The following GOLGB1 variants were observed in gnomAD, a reference collection of about 807,000 sequenced individuals.
GOLGB1 encodes the protein golgin subfamily B member 1.
A neutral mutation model predicts 336.9 loss-of-function variants in GOLGB1; 174 were observed. The observed-to-expected ratio is 0.52, with a 90% CI of 0.46 to 0.59. The LOEUF (loss-of-function observed/expected upper bound fraction) is 0.59. Ranked by LOEUF, GOLGB1 falls within the 20% of genes least tolerant of loss-of-function variation. The pLI is 0.00. For missense variants in GOLGB1, 3,331 were observed against 3,645.3 expected, an observed-to-expected ratio of 0.91 and a Z score of 2.22; for synonymous variants, 1,208 against 1,289.2, an observed-to-expected ratio of 0.94 and a Z score of 1.35.
intron 5 of GOLGB1, among the ~76,000 whole-genome samples, chr3:121,725,435 T>C (rs1465013479): frequency 1.3e-5 from 2 of 152,358 alleles, no homozygotes; most frequent in African/African-American, 4.8e-5. Context: ...TGTTACTCTC[T>C]TTCTTCTTGC....
Position 121,707,880 on chromosome 3 carries a change from G to T in GOLGB1, c.1405-5285C>A, listed in dbSNP as rs139824229. 1.0e-3 allele frequency among the ~76,000 whole-genome samples: 158 copies of T among 152,232 alleles called. 1 individual carries two copies. The East Asian group carries it at 0.026, about 25-fold the overall frequency. ...CTAAAATATTTACTATACATAAAAG[G>T]ATTGGCAATCTCTGATCTACAAACG... is the stretch of plus-strand genomic sequence containing the variant. On this transcript the variant is annotated intron_variant, in intron 10 of 21. Transcript: ENST00000614479.
intron 10 of GOLGB1, among the ~76,000 whole-genome samples, chr3:121,706,308 A>T (rs953630696): frequency 6.6e-6 from 1 of 152,140 alleles, no homozygotes; most frequent in Non-Finnish European, 1.5e-5. Context: ...AGATTGAAAA[A>T]GCTCAATGAA....
intron 10 of GOLGB1, among the ~76,000 whole-genome samples, chr3:121,707,237 A>AT (rs1357437074): frequency 2.0e-5 from 3 of 150,850 alleles, no homozygotes; most frequent in Non-Finnish European, 3.0e-5. Flanking sequence ...AAAAAAAAAA[A>AT]AAAAACAAAA....
intron 20 of GOLGB1, among the ~76,000 whole-genome samples, chr3:121,666,892 T>G (rs1576243362): frequency 6.6e-6 from 1 of 152,206 alleles, no homozygotes; most frequent in African/African-American, 2.4e-5. Context: ...CAAATTACAC[T>G]TGGAGCAAAC....
intron 1 of GOLGB1, among the ~76,000 whole-genome samples, chr3:121,735,867 A>G (rs952958239): frequency 4.6e-5 from 7 of 152,158 alleles, no homozygotes; most frequent in African/African-American, 1.4e-4. Flanking sequence ...TAAATTGCCA[A>G]TCTCCAATAA....
intron 17 of GOLGB1, among the ~76,000 whole-genome samples, chr3:121,675,907 GA>G (rs1416333668): frequency 6.6e-6 from 1 of 152,190 alleles, no homozygotes; most frequent in Non-Finnish European, 1.5e-5. Context: ...ACAGGCCTGA[GA>G]CGGGAGTTAG....
At chr3:121,681,658 A>C in intron 15 of GOLGB1, 29 bp downstream of exon 15, 1 of 1,441,622 alleles carries the variant, frequency 6.9e-7, no homozygotes, top group Non-Finnish European at 9.5e-7. Context: ...AAATGAAAAG[A>C]GTTGAAAAGG....
In GOLGB1 at chr3:121,696,729, G is replaced by T. The variant is rs781256018; in HGVS notation, c.3794C>A (p.Thr1265Asn). ...GAATAAAGGTTCTTCTAAACCTGGA[G>T]TGGAAGAACACGATTCCTGCTGGTC... ...STDQQESCSSTPGLEEPLFKA... is the reference protein window; with the variant it reads ...STDQQESCSSNPGLEEPLFKA... Residue 1265 changes from threonine to asparagine, a missense_variant, in exon 13 of 22, where the codon ACT becomes AAT. By Grantham distance (65) the Thr-to-Asn change is moderately conservative. Transcript: ENST00000614479. The T allele has an allele frequency of 1.9e-6, 3 of 1,614,062 alleles. No individual in the cohort carries two copies. In the South Asian group the frequency reaches 3.3e-5, roughly 18 times the overall value.
chr3:121,697,878 T>G lies in GOLGB1; in HGVS notation c.2645A>C (p.Lys882Thr). 1 of 1,614,122 alleles carries G rather than the reference T, an allele frequency of 6.2e-7. No individual in the cohort carries two copies. The change falls in exon 13 of 22, where the codon AAA (lysine) becomes ACA (threonine). Residue 882 changes from lysine (K) to threonine (T), a missense_variant. Transcript: ENST00000614479. ...ALSQKELEIT[K>T]MDQLLLEKKR... ...TTTCTCTAGTAAGAGCTGATCCATT[T>G]TTGTTATTTCAAGTTCCTTCTGTGA...
At chr3:121,713,182 C>T (rs1944488507) in intron 10 of GOLGB1, among the ~76,000 whole-genome samples, 1 of 152,032 alleles carries the variant, frequency 6.6e-6, no homozygotes, top group African/African-American at 2.4e-5. Flanking sequence ...AATAGTACAA[C>T]CACTTTGGGA....
chr3:121,670,391 G>A (rs191867611), intron 17 of GOLGB1, among the ~76,000 whole-genome samples: 14 of 152,264 alleles, frequency 9.2e-5, no homozygotes, highest in Non-Finnish European at 2.9e-5. Flanking sequence ...GAGGAGAGAC[G>A]ACAGTTTTCT....
At chr3:121,679,630 C>A (rs1335515014) in intron 15 of GOLGB1, among the ~76,000 whole-genome samples, 1 of 152,224 alleles carries the variant, frequency 6.6e-6, no homozygotes, top group African/African-American at 2.4e-5. Context: ...TATCTCACCA[C>A]TCCCATTAAC....
At chr3:121,726,289 C>G (rs1340628597) in intron 5 of GOLGB1, among the ~76,000 whole-genome samples, 1 of 150,994 alleles carries the variant, frequency 6.6e-6, no homozygotes, top group Non-Finnish European at 1.5e-5. Flanking sequence ...AAAAAATTAG[C>G]CAGGCATGGT....
At chr3:121,665,455 A>C (rs1023352706) in intron 20 of GOLGB1, among the ~76,000 whole-genome samples, 1 of 151,870 alleles carries the variant, frequency 6.6e-6, no homozygotes, top group Non-Finnish European at 1.5e-5. Context: ...ACCACACCAC[A>C]CCTGACTTGG....
Position 121,718,334 on chromosome 3 carries a change from GA to G in GOLGB1, c.885+53del, listed in dbSNP as rs1484743718. On this transcript the variant is annotated intron_variant, in intron 8 of 21. Transcript: ENST00000614479. ...CTTTTATATCTACTGCCTGGCAAAC[GA>G]AAGTGGAAATGAATACCCTCCAAGG... The G allele has an allele frequency of 2.6e-6, 3 of 1,146,762 alleles. No homozygotes were observed. In the African/African-American group the frequency reaches 4.6e-5, roughly 18 times the overall value. 71.0% of individuals were successfully genotyped at this position (1,146,762 alleles called of 1,614,324 possible).
In GOLGB1 at chr3:121,717,117, T is replaced by A. The variant is rs1317380218; in HGVS notation, c.908A>T (p.Gln303Leu). Residue 303 changes from glutamine to leucine, a missense_variant, in exon 9 of 22, where the codon CAG (glutamine) becomes CTG (leucine). By Grantham distance (113) the Gln-to-Leu change is moderately radical. Transcript: ENST00000614479. ...RNQILSQQLQ[Q>L]MEAEHNTLRN... ...CAAAGTATTATGCTCAGCTTCCATC[T>A]GCTGTAACTGCTGAGAGAGAATCTA... is the stretch of plus-strand genomic sequence containing the variant. 6.2e-7 allele frequency: 1 copy of A among 1,608,180 alleles called. No individual in the cohort carries two copies. The highest frequency in any genetic ancestry group is 1.7e-5 in the Admixed American group (1 of 58,850).
At chr3:121,670,594 T>G (rs762092749) in intron 17 of GOLGB1, among the ~76,000 whole-genome samples, 1 of 152,018 alleles carries the variant, frequency 6.6e-6, no homozygotes, top group African/African-American at 2.4e-5. Context: ...TTGAGAGAGG[T>G]AGAGAAAGGA....
chr3:121,706,716 A>G (rs1271859498), intron 10 of GOLGB1, among the ~76,000 whole-genome samples: 1 of 121,352 alleles, frequency 8.2e-6, no homozygotes, highest in Non-Finnish European at 1.6e-5. Flanking sequence ...CCTGGATGAC[A>G]CACTGAGACT....
chr3:121,696,723 C>T lies in GOLGB1; in HGVS notation c.3800G>A (p.Gly1267Asp). 6.2e-7 allele frequency: 1 copy of T among 1,614,088 alleles called. No homozygotes were observed. The highest frequency in any genetic ancestry group is 1.3e-5 in the African/African-American group (1 of 75,032). ...DQQESCSSTP[G>D]LEEPLFKATE... ...GGCTTTGAATAAAGGTTCTTCTAAA[C>T]CTGGAGTGGAAGAACACGATTCCTG... Residue 1267 changes from glycine (G) to aspartate (D), a missense_variant, in exon 13 of 22, where the codon GGT becomes GAT. Transcript: ENST00000614479.
Sources: gnomAD v4.1 joint callset for allele counts (sites outside exome capture counted in the v4.1 genomes callset) on GRCh38, gnomAD v4.1.1 for gene constraint, MANE v1.5 for transcripts, NCBI Gene and HGNC (gene_info 2026-07-23, HGNC 2026-07-21) for gene names.